The following TPT1 variants were observed in gnomAD, a reference collection of about 807,000 sequenced individuals.
TPT1 encodes the protein tumor protein, translationally-controlled 1.
Under a neutral mutation model 22.8 loss-of-function variants are expected in TPT1, and 5 were observed. That is an observed-to-expected ratio of 0.22 (90% CI 0.11 to 0.46). The LOEUF is 0.46. Ranked by LOEUF, TPT1 falls within the 20% of genes least tolerant of loss-of-function variation. The pLI is 0.99. For missense variants in TPT1, 130 were observed against 218.7 expected, an observed-to-expected ratio of 0.59 and a Z score of 2.56; for synonymous variants, 89 against 73.6, an observed-to-expected ratio of 1.21 and a Z score of -1.07.
At position 45,337,333 on chromosome 13, in the gene TPT1, G is replaced by A. The variant is rs202115003; in HGVS notation, c.*53C>T. Reference sequence around the variant, plus strand: ...AGTCCTGGTGTTGTGTGGATGACAAGCAGAAGCCAGTTATGATGACAGGTG... The same window carrying A: ...AGTCCTGGTGTTGTGTGGATGACAAACAGAAGCCAGTTATGATGACAGGTG... On this transcript the variant is annotated 3_prime_UTR_variant, in exon 6 of 6. Transcript: ENST00000530705. 5.2e-5 allele frequency: 82 copies of A among 1,575,670 alleles called. No homozygotes were observed. Among genetic ancestry groups the A allele is most frequent in the Non-Finnish European group, 6.8e-5 (78 of 1,145,896 alleles).
rs1878498984 is a variant in TPT1 at position 45,333,511 on chromosome 13, T to C, written c.*3875A>G. The stretch of plus-strand genomic sequence containing the variant: ...CAAGTTGGTTGAGATTTATTGCTCG[T>C]CTTGCAATTTTACCATAATTATCAC... On this transcript the variant is annotated 3_prime_UTR_variant, in exon 6 of 6. Transcript: ENST00000530705. 6.6e-6 allele frequency: 1 copy of C among 152,242 alleles called. No homozygotes were observed. Among genetic ancestry groups the C allele is most frequent in the African/African-American group, 2.4e-5 (1 of 41,462 alleles). The allele number at this position is 152,242 out of a possible 1,614,324, so 9.4% of individuals were successfully genotyped here. A position where few individuals can be genotyped will look rare whatever the true frequency, so the allele number is the denominator to read the frequency against.
At chr13:45,338,919 A>G (rs1878895125) in intron 4 of TPT1, 143 bp from the exon 5 acceptor site, 3 of 638,656 alleles carry the variant, frequency 4.7e-6, no homozygotes, top group South Asian at 2.3e-5. Flanking sequence ...CTCACTTATC[A>G]TAGACATCTG....
rs569346589 is a variant in TPT1, at chr13:45,335,553, C to T, written c.*1833G>A. On this transcript the variant is annotated 3_prime_UTR_variant, in exon 6 of 6. Transcript: ENST00000530705. The stretch of plus-strand genomic sequence containing the variant: ...GCTTTGACCACTGCCTGAAAATTCC[C>T]TTCCTGCTATCATTTCAGAGGACAA... 2 of 152,296 alleles carry T rather than the reference C, an allele frequency of 1.3e-5. No homozygotes were observed. The highest frequency in any genetic ancestry group is 2.9e-5 in the Non-Finnish European group (2 of 68,044). 9.4% of individuals were successfully genotyped at this position (152,296 alleles called of 1,614,324 possible). A position where few individuals can be genotyped will look rare whatever the true frequency, so the allele number is the denominator to read the frequency against.
rs1374950616 is a variant in TPT1 at position 45,335,278 on chromosome 13, A to T, written c.*2108T>A. On this transcript the variant is annotated 3_prime_UTR_variant, in exon 6 of 6. Coordinates refer to ENST00000530705, the MANE Select transcript of TPT1 (RefSeq NM_003295.4). ...GCTGGGGTTCATCACTTCTGACTTAAATAGACATGATAAAATGCTATGTCC... is the reference window on the plus strand; with the variant it reads ...GCTGGGGTTCATCACTTCTGACTTATATAGACATGATAAAATGCTATGTCC... 1 of 152,238 alleles carries T rather than the reference A, an allele frequency of 6.6e-6. No homozygotes were observed. The highest frequency in any genetic ancestry group is 1.9e-4 in the East Asian group (1 of 5,204). The allele number at this position is 152,238 out of a possible 1,614,324, so 9.4% of individuals were successfully genotyped here. A position where few individuals can be genotyped will look rare whatever the true frequency, so the allele number is the denominator to read the frequency against.
At chr13:45,338,370 T>C in intron 5 of TPT1, 1 of 420,090 alleles carries the variant, frequency 2.4e-6, no homozygotes, top group Non-Finnish European at 4.1e-6. Context: ...TGCACCCACC[T>C]CGGCGTCCCA....
intron 5 of TPT1, 134 bp downstream of exon 5, chr13:45,338,526 G>T: frequency 7.0e-7 from 1 of 1,434,150 alleles, no homozygotes; most frequent in South Asian, 1.5e-5. Context: ...CAATTCTCTT[G>T]ATCCCCAAAG....
At position 45,340,739 on chromosome 13, in the gene TPT1, G is replaced by A. The variant is rs1350859717; in HGVS notation, c.75C>T (p.Asp25=). 1.3e-6 allele frequency: 2 copies of A among 1,523,590 alleles called. No individual in the cohort carries two copies. Among genetic ancestry groups the A allele is most frequent in the Non-Finnish European group, 1.8e-6 (2 of 1,136,880 alleles). The allele number at this position is 1,523,590 out of a possible 1,614,324, so 94.4% of individuals were successfully genotyped here. A position where few individuals can be genotyped will look rare whatever the true frequency, so the allele number is the denominator to read the frequency against. Reference sequence around the variant, plus strand: ...TCCCCTCCACCTCCAGGCACAACCCGTCCGCGATCTCCCGGATCTTGTAGA... The same window carrying A: ...TCCCCTCCACCTCCAGGCACAACCCATCCGCGATCTCCCGGATCTTGTAGA... ...SDIYKIREIA[D]GLCLEVEGKM... is the part of the protein sequence containing the mutation. The change falls in exon 2 of 6, where the codon GAC becomes GAT. Residue 25 remains aspartate, a synonymous_variant. Transcript: ENST00000530705.
In TPT1 at chr13:45,336,198, T is replaced by C. The variant is rs766142151; in HGVS notation, c.*1188A>G. 7.2e-5 allele frequency: 11 copies of C among 152,242 alleles called. No homozygotes were observed. Among genetic ancestry groups the C allele is most frequent in the Admixed American group, 3.9e-4 (6 of 15,284 alleles). 9.4% of individuals were successfully genotyped at this position (152,242 alleles called of 1,614,324 possible). A position where few individuals can be genotyped will look rare whatever the true frequency, so the allele number is the denominator to read the frequency against. On this transcript the variant is annotated 3_prime_UTR_variant, in exon 6 of 6. Transcript: ENST00000530705. The stretch of plus-strand genomic sequence containing the variant: ...CTGCAGTCCCAGCAACTAGTGAGAC[T>C]GAGGTGGGAAAATGGCTTGAGCACA...
intron 2 of TPT1, chr13:45,340,465 G>T: frequency 1.4e-6 from 1 of 737,392 alleles, no homozygotes; most frequent in Non-Finnish European, 2.4e-6. Flanking sequence ...AACACGAAAG[G>T]ACTCCAGGCT....
chr13:45,333,680 G>A lies in TPT1; in HGVS notation c.*3706C>T, dbSNP rs2138317134. 6.6e-6 allele frequency: 1 copy of A among 152,266 alleles called. No individual in the cohort carries two copies. The highest frequency in any genetic ancestry group is 2.1e-4 in the South Asian group (1 of 4,818). 9.4% of individuals were successfully genotyped at this position (152,266 alleles called of 1,614,324 possible). A position where few individuals can be genotyped will look rare whatever the true frequency, so the allele number is the denominator to read the frequency against. On this transcript the variant is annotated 3_prime_UTR_variant, in exon 6 of 6. Transcript: ENST00000530705. ...ATTCACACCTATTACTGAAGCAGAT[G>A]CACACATAATAAAAAACCATGTACC...
intron 2 of TPT1, chr13:45,340,435 TGG>T: frequency 2.7e-6 from 2 of 741,380 alleles, no homozygotes; most frequent in Non-Finnish European, 4.7e-6. Context: ...TGCCTCCGGT[TGG>T]TAAGTGGGGA....
chr13:45,338,626 CATT>C (rs1226530733), intron 5 of TPT1, 31 bp downstream of exon 5: 2 of 1,599,736 alleles, frequency 1.3e-6, no homozygotes, highest in Non-Finnish European at 1.7e-6. Context: ...GTCTTTTTTA[CATT>C]ATTTATTTTA....
intron 5 of TPT1, 131 bp from the exon 6 acceptor site, chr13:45,337,519 A>T (rs537452709): frequency 6.2e-7 from 1 of 1,613,848 alleles, no homozygotes; most frequent in South Asian, 1.1e-5. Flanking sequence ...CCACAAAGAC[A>T]GACAGAAAGC....
At chr13:45,339,643 T>A (rs1375030235) in intron 3 of TPT1, 41 bp from the exon 4 acceptor site, 1 of 1,512,574 alleles carries the variant, frequency 6.6e-7, no homozygotes, top group Non-Finnish European at 9.0e-7. Context: ...TATTGAATTT[T>A]CAGTAAAATC....
rs548298513 is a variant in TPT1 at position 45,334,808 on chromosome 13, T to G, written c.*2578A>C. On this transcript the variant is annotated 3_prime_UTR_variant, in exon 6 of 6. Coordinates refer to ENST00000530705, the MANE Select transcript of TPT1 (RefSeq NM_003295.4). ...TCCTTGAGGTCTGGTCTTCCTTCCT[T>G]GCACACTCCCACTGCTTTACAACCC... 1 of 152,320 alleles carries G rather than the reference T, an allele frequency of 6.6e-6. No individual in the cohort carries two copies. The highest frequency in any genetic ancestry group is 2.4e-5 in the African/African-American group (1 of 41,558). The allele number at this position is 152,320 out of a possible 1,614,324, so 9.4% of individuals were successfully genotyped here. A position where few individuals can be genotyped will look rare whatever the true frequency, so the allele number is the denominator to read the frequency against.
At chr13:45,340,397 A>G in intron 2 of TPT1, 2 of 828,782 alleles carry the variant, frequency 2.4e-6, no homozygotes, top group Non-Finnish European at 2.0e-6. Context: ...GGGTCATTAA[A>G]AAGTTGTTTC....
chr13:45,338,939 T>G, intron 4 of TPT1, 163 bp from the exon 5 acceptor site: 1 of 560,404 alleles, frequency 1.8e-6, no homozygotes, highest in Non-Finnish European at 3.1e-6. Context: ...GTTCACTGGA[T>G]TAAGGCACCT....
chr13:45,339,847 A>G (rs945875082), intron 3 of TPT1, 147 bp downstream of exon 3: 37 of 933,970 alleles, frequency 4.0e-5, no homozygotes, highest in Non-Finnish European at 5.3e-5. Context: ...ATTATAGAAA[A>G]GCAACCACTC....
intron 5 of TPT1, 200 bp from the exon 6 acceptor site, chr13:45,337,588 C>A: frequency 1.2e-6 from 2 of 1,602,992 alleles, no homozygotes; most frequent in South Asian, 2.2e-5. Flanking sequence ...GTAAATTGTT[C>A]AAGGTCTATC....
Sources: allele counts gnomAD v4.1 joint callset, GRCh38; gene constraint gnomAD v4.1.1; transcripts MANE v1.5; gene names NCBI Gene and HGNC (gene_info 2026-07-23, HGNC 2026-07-21).